The following TRAPPC9 variants were observed in gnomAD, a reference collection of about 807,000 sequenced individuals.
TRAPPC9 encodes the protein IKK2 binding protein.
A neutral mutation model predicts 124.0 loss-of-function variants in TRAPPC9; 83 were observed. The observed-to-expected ratio is 0.67, with a 90% CI of 0.56 to 0.80. TRAPPC9 has a LOEUF of 0.80. Ranked by LOEUF, TRAPPC9 falls within the 30% of genes least tolerant of loss-of-function variation. The probability of loss-of-function intolerance (pLI) is 0.00; values close to 1 mark genes in which losing one functional copy is unlikely to be tolerated. For synonymous variants in TRAPPC9, 638 were observed against 617.5 expected (o/e 1.03, Z -0.49); for missense variants, 1,302 against 1,508.3 (o/e 0.86, Z 2.27).
chr8:140,366,715 G>T (rs1387055079), intron 8 of TRAPPC9, among the ~76,000 whole-genome samples: 1 of 152,138 alleles, frequency 6.6e-6, no homozygotes, highest in African/African-American at 2.4e-5. Context: ...ATCAAAGAAA[G>T]AATTGATAAG....
chr8:140,261,487 G>A (rs1324455408), intron 15 of TRAPPC9, among the ~76,000 whole-genome samples: 1 of 152,164 alleles, frequency 6.6e-6, no homozygotes, highest in Non-Finnish European at 1.5e-5. Flanking sequence ...ATTACACATA[G>A]AACAGGTTCA....
At chr8:140,414,177 C>T (rs1396928104) in intron 5 of TRAPPC9, among the ~76,000 whole-genome samples, 2 of 151,850 alleles carry the variant, frequency 1.3e-5, no homozygotes, top group Non-Finnish European at 2.9e-5. Context: ...TTTAAGCAAG[C>T]TGAAAGAAGA....
chr8:139,989,471 G>A (rs577223237), intron 18 of TRAPPC9, among the ~76,000 whole-genome samples: 2 of 152,328 alleles, frequency 1.3e-5, no homozygotes, highest in African/African-American at 4.8e-5. Context: ...ATTGTTCCTT[G>A]CAAGGGCTGG....
chr8:140,162,781 A>G (rs773682530), intron 17 of TRAPPC9, among the ~76,000 whole-genome samples: 59 of 152,276 alleles, frequency 3.9e-4, no homozygotes, highest in Non-Finnish European at 7.2e-4. Context: ...TCAGTCCAGG[A>G]GTTTGAGACC....
At chr8:140,303,329 G>A (rs2066035885) in intron 10 of TRAPPC9, among the ~76,000 whole-genome samples, 1 of 152,096 alleles carries the variant, frequency 6.6e-6, no homozygotes, top group South Asian at 2.1e-4. Context: ...AAGACTCACT[G>A]GTTAACTGGA....
intron 19 of TRAPPC9, among the ~76,000 whole-genome samples, chr8:139,954,554 G>A (rs958124393): frequency 1.3e-4 from 20 of 152,156 alleles, no homozygotes; most frequent in African/African-American, 4.6e-4. Context: ...ACTTTGTTAC[G>A]GCAGCCCCAG....
intron 21 of TRAPPC9, among the ~76,000 whole-genome samples, chr8:139,834,609 C>T (rs1057482905): frequency 5.9e-5 from 9 of 152,084 alleles, no homozygotes; most frequent in Non-Finnish European, 8.8e-5. Flanking sequence ...GGGACGTTGT[C>T]GCCCCATCTC....
At chr8:140,248,090 T>C (rs2064031176) in intron 16 of TRAPPC9, among the ~76,000 whole-genome samples, 1 of 152,236 alleles carries the variant, frequency 6.6e-6, no homozygotes, top group South Asian at 2.1e-4. Flanking sequence ...CATCTTTACA[T>C]GAAACTAGTT....
At chr8:140,251,442 T>C (rs2064130837) in intron 16 of TRAPPC9, among the ~76,000 whole-genome samples, 1 of 152,268 alleles carries the variant, frequency 6.6e-6, no homozygotes. Context: ...ACTTTTTTCA[T>C]TTTCTAATGT....
chr8:140,412,106 C>A (rs2069725685), intron 5 of TRAPPC9, among the ~76,000 whole-genome samples: 2 of 152,180 alleles, frequency 1.3e-5, no homozygotes, highest in African/African-American at 4.8e-5. Flanking sequence ...CAGTGGAAAA[C>A]TCCATCAGAC....
At chr8:140,208,052 A>G (rs930405014) in intron 17 of TRAPPC9, among the ~76,000 whole-genome samples, 1 of 151,984 alleles carries the variant, frequency 6.6e-6, no homozygotes, top group African/African-American at 2.4e-5. Context: ...TGGGAGGCGG[A>G]GGCAGGAGAA....
chr8:139,751,615 C>T (rs558841156), intron 21 of TRAPPC9, among the ~76,000 whole-genome samples: 4 of 152,200 alleles, frequency 2.6e-5, no homozygotes, highest in African/African-American at 9.6e-5. Context: ...ATGCCCCAAC[C>T]CTAGAACAAA....
chr8:140,101,804 A>G (rs552409304), intron 17 of TRAPPC9, among the ~76,000 whole-genome samples: 1 of 151,266 alleles, frequency 6.6e-6, no homozygotes, highest in South Asian at 2.1e-4. Context: ...CGGCCTCCCA[A>G]GCTGGGATTA....
chr8:139,891,968 C>T (rs1676229303), intron 20 of TRAPPC9, among the ~76,000 whole-genome samples: 2 of 152,244 alleles, frequency 1.3e-5, no homozygotes, highest in South Asian at 2.1e-4. Context: ...CCAGAGGCTG[C>T]GTTCTCAGCC....
intron 21 of TRAPPC9, among the ~76,000 whole-genome samples, chr8:139,834,008 A>G (rs1377541285): frequency 6.6e-6 from 1 of 152,132 alleles, no homozygotes; most frequent in African/African-American, 2.4e-5. Flanking sequence ...CCCAACCCCT[A>G]CCAGCCACGT....
intron 16 of TRAPPC9, among the ~76,000 whole-genome samples, chr8:140,236,139 G>C (rs1457097942): frequency 7.5e-6 from 1 of 133,802 alleles, no homozygotes; most frequent in East Asian, 2.2e-4. Context: ...CTGGAGTGCT[G>C]TGGCGTGATC....
At chr8:139,883,466 C>G (rs552630873) in intron 21 of TRAPPC9, among the ~76,000 whole-genome samples, 1 of 152,352 alleles carries the variant, frequency 6.6e-6, no homozygotes, top group Admixed American at 6.5e-5. Context: ...AGAGCCTTCA[C>G]GCCTCCCGGC....
At chr8:140,190,825 AAAG>A (rs2062473791) in intron 17 of TRAPPC9, among the ~76,000 whole-genome samples, 2 of 152,170 alleles carry the variant, frequency 1.3e-5, no homozygotes, top group African/African-American at 4.8e-5. Context: ...CCTTTCAAAG[AAAG>A]AAGGTCAAAT....
intron 19 of TRAPPC9, among the ~76,000 whole-genome samples, chr8:139,959,010 G>T (rs112731717): frequency 2.7e-5 from 4 of 148,328 alleles, no homozygotes; most frequent in Non-Finnish European, 4.5e-5. Flanking sequence ...CGAGTCACAC[G>T]GGGGAGGCCT....
Sources: gnomAD v4.1 joint callset for allele counts (sites outside exome capture counted in the v4.1 genomes callset) on GRCh38, gnomAD v4.1.1 for gene constraint, MANE v1.5 for transcripts, NCBI Gene and HGNC (gene_info 2026-07-23, HGNC 2026-07-21) for gene names.